The following PAK2 variants were observed in gnomAD, a reference collection of about 807,000 sequenced individuals.
PAK2 encodes the protein serine/threonine-protein kinase PAK 2.
PAK2 carries 21 observed loss-of-function variants against 65.9 expected under a neutral mutation model. The observed-to-expected ratio is 0.32, with a 90% CI of 0.23 to 0.46. The LOEUF (loss-of-function observed/expected upper bound fraction) is 0.46. Ranked by LOEUF, PAK2 falls within the 20% of genes least tolerant of loss-of-function variation. The pLI is 1.00. For synonymous variants in PAK2, 204 were observed against 219.7 expected (o/e 0.93, Z 0.63); for missense variants, 324 against 642.6 (o/e 0.50, Z 5.36).
At chr3:196,783,711 T>C (rs114447492) in intron 2 of PAK2, among the ~76,000 whole-genome samples, 215 of 152,314 alleles carry the variant, frequency 1.4e-3, no homozygotes, top group African/African-American at 5.1e-3. Context: ...CTTCTCTTCG[T>C]CCCCAATATC....
Position 196,820,643 on chromosome 3 carries a change from A to G in PAK2, c.1350+76A>G, listed in dbSNP as rs1711613522. ...TATTTAGAACTTGCACGTGCCTGGC[A>G]CTGTCCAAGAATTTAAAGTAGAAGG... On this transcript the variant is annotated intron_variant, in intron 13 of 14. Coordinates refer to ENST00000327134, the MANE Select transcript of PAK2 (RefSeq NM_002577.4). The surrounding 1 kb of genome is among the most constrained non-coding windows in gnomAD (Gnocchi z 4.6). The G allele has an allele frequency of 2.7e-6, 2 of 748,948 alleles. No individual in the cohort carries two copies. The highest frequency in any genetic ancestry group is 4.3e-6 in the Non-Finnish European group (2 of 464,392). The allele number at this position is 748,948 out of a possible 1,614,324, so 46.4% of individuals were successfully genotyped here.
chr3:196,775,888 T>C (rs1350521134), intron 1 of PAK2, among the ~76,000 whole-genome samples: 1 of 152,242 alleles, frequency 6.6e-6, no homozygotes, highest in African/African-American at 2.4e-5. Flanking sequence ...AAGAGGTTTC[T>C]GTACCCTAGC....
intron 2 of PAK2, among the ~76,000 whole-genome samples, chr3:196,799,615 C>T (rs1189987503): frequency 1.3e-5 from 2 of 152,180 alleles, no homozygotes; most frequent in South Asian, 2.1e-4. Flanking sequence ...TGGTCCTTGA[C>T]CTGGAGGACT....
intron 1 of PAK2, among the ~76,000 whole-genome samples, chr3:196,770,654 G>A (rs1714330567): frequency 6.6e-6 from 1 of 152,010 alleles, no homozygotes; most frequent in South Asian, 2.1e-4. Context: ...ACAGAGTCCA[G>A]CTCTGTCTCC....
chr3:196,823,691 G>A (rs1279189905), intron 13 of PAK2, among the ~76,000 whole-genome samples: 3 of 151,322 alleles, frequency 2.0e-5, no homozygotes, highest in Non-Finnish European at 4.4e-5. Context: ...ATGAAACCTC[G>A]TCTCTACTAA....
At chr3:196,790,654 A>G (rs1410922646) in intron 2 of PAK2, among the ~76,000 whole-genome samples, 2 of 152,204 alleles carry the variant, frequency 1.3e-5, no homozygotes, top group Non-Finnish European at 2.9e-5. Context: ...AATAACTTAC[A>G]CTGACACAGA....
chr3:196,752,254 C>T (rs1373788441), intron 1 of PAK2, among the ~76,000 whole-genome samples: 2 of 152,034 alleles, frequency 1.3e-5, no homozygotes, highest in African/African-American at 2.4e-5. Context: ...TATCTGTTCA[C>T]CTATCAATGT....
intron 1 of PAK2, among the ~76,000 whole-genome samples, chr3:196,759,431 T>A (rs542018777): frequency 9.4e-5 from 14 of 149,562 alleles, no homozygotes; most frequent in South Asian, 4.3e-4. Context: ...CCTTAAATTT[T>A]AAAAAAACAG....
intron 2 of PAK2, among the ~76,000 whole-genome samples, chr3:196,799,702 G>C (rs1232709086): frequency 1.3e-5 from 2 of 152,082 alleles, no homozygotes; most frequent in African/African-American, 4.8e-5. Flanking sequence ...ACTCAGGCTG[G>C]GGAGTGCAGT....
intron 1 of PAK2, among the ~76,000 whole-genome samples, chr3:196,751,667 T>TATATG (rs1560089766): frequency 2.2e-5 from 1 of 45,108 alleles, no homozygotes; most frequent in African/African-American, 1.0e-4. Flanking sequence ...ACAAATTTAT[T>TATATG]TATATACATA....
chr3:196,787,025 T>C (rs919682718), intron 2 of PAK2, among the ~76,000 whole-genome samples: 2 of 151,822 alleles, frequency 1.3e-5, no homozygotes, highest in East Asian at 3.9e-4. Context: ...GGCTCTCATA[T>C]GTTGCCCAGG....
In PAK2 at chr3:196,759,489, G is replaced by GTTT. The variant is rs1418582155; in HGVS notation, c.-22+19338_-22+19340dup. Among the ~76,000 whole-genome samples, 139 of 98,824 alleles carry GTTT rather than the reference G, an allele frequency of 1.4e-3. 6 individuals are homozygous for GTTT. The highest frequency in any genetic ancestry group is 0.015 in the Middle Eastern group (2 of 134). 64.8% of individuals were successfully genotyped at this position (98,824 alleles called of 152,430 possible). On this transcript the variant is annotated intron_variant, in intron 1 of 14. Coordinates refer to ENST00000327134, the MANE Select transcript of PAK2 (RefSeq NM_002577.4). Reference sequence around the variant, plus strand: ...ACCCTTTAAGGTATACAGTTAAGTGGTTTTTTTTGTTTTTTTTTTTTTTTT... The same window carrying GTTT: ...ACCCTTTAAGGTATACAGTTAAGTGGTTTTTTTTTTTGTTTTTTTTTTTTTTTT...
At chr3:196,801,808 G>A in intron 2 of PAK2, 119 bp from the exon 3 acceptor site, 1 of 599,114 alleles carries the variant, frequency 1.7e-6, no homozygotes, top group Non-Finnish European at 3.0e-6. Flanking sequence ...ACTCCAGCCT[G>A]GGCAACAAGA....
At chr3:196,745,282 A>ATTTTTTTTTTTTTTTTTT (rs34194625) in intron 1 of PAK2, among the ~76,000 whole-genome samples, 1 of 92,774 alleles carries the variant, frequency 1.1e-5, no homozygotes, top group Non-Finnish European at 2.1e-5. Context: ...CACCCAACTG[A>ATTTTTTTTTTTTTTTTTT]TTTTTTTTTT....
At position 196,791,108 on chromosome 3, in the gene PAK2, G is replaced by T. The variant is rs973949854; in HGVS notation, c.187+8275G>T. ...ACCCCCACATCTACATAAATTTATT[G>T]TGATTGGCCCTCTATTTCTGGGCTT... On this transcript the variant is annotated intron_variant, in intron 2 of 14. Transcript: ENST00000327134. This position sits in a 1 kb window ranked among gnomAD's most constrained non-coding sequence, Gnocchi z 4.0. 2.0e-5 allele frequency among the ~76,000 whole-genome samples: 3 copies of T among 152,096 alleles called. No individual in the cohort carries two copies. Among genetic ancestry groups the T allele is most frequent in the African/African-American group, 7.2e-5 (3 of 41,432 alleles).
intron 1 of PAK2, among the ~76,000 whole-genome samples, chr3:196,752,164 A>G (rs1419375488): frequency 6.6e-6 from 1 of 152,190 alleles, no homozygotes; most frequent in East Asian, 1.9e-4. Context: ...CATTTTGGAT[A>G]AGGGATACTC....
At chr3:196,812,197 G>A (rs1715850821) in intron 8 of PAK2, 22 bp from the exon 9 acceptor site, 4 of 1,441,472 alleles carry the variant, frequency 2.8e-6, no homozygotes, top group African/African-American at 1.4e-5. Flanking sequence ...CTTAAATCTG[G>A]TTGTGTGTTT....
intron 1 of PAK2, among the ~76,000 whole-genome samples, chr3:196,768,832 AT>A (rs1227986831): frequency 6.6e-6 from 1 of 151,532 alleles, no homozygotes; most frequent in Non-Finnish European, 1.5e-5. Context: ...TGCCCAGCTA[AT>A]TTTTGTATTT....
At chr3:196,807,754 A>G (rs1419648064) in intron 6 of PAK2, 28 bp from the exon 7 acceptor site, 14 of 1,342,134 alleles carry the variant, frequency 1.0e-5, no homozygotes, top group Non-Finnish European at 1.5e-5. Flanking sequence ...TATTCCTCAA[A>G]CCTTGGTAAT....
Sources: gnomAD v4.1 joint callset for allele counts (sites outside exome capture counted in the v4.1 genomes callset) on GRCh38, gnomAD v4.1.1 for gene constraint, Gnocchi (gnomAD v3.1) non-coding constraint, MANE v1.5 for transcripts, NCBI Gene and HGNC (gene_info 2026-07-23, HGNC 2026-07-21) for gene names.